The following FAF1 variants were observed in gnomAD, a reference collection of about 807,000 sequenced individuals.
FAF1 encodes FAS-associated factor 1.
A neutral mutation model predicts 92.5 loss-of-function variants in FAF1; 25 were observed. The observed-to-expected ratio is 0.27, with a 90% CI of 0.20 to 0.38. The LOEUF (loss-of-function observed/expected upper bound fraction) is 0.38, where lower values mean the gene tolerates loss of function less well. Ranked by LOEUF, FAF1 falls within the 10% of genes least tolerant of loss-of-function variation. The probability of loss-of-function intolerance (pLI) is 1.00; values close to 1 mark genes in which losing one functional copy is unlikely to be tolerated. For synonymous variants in FAF1, 234 were observed against 273.2 expected, an observed-to-expected ratio of 0.86 and a Z score of 1.42; for missense variants, 636 against 793.3, an observed-to-expected ratio of 0.80 and a Z score of 2.38.
chr1:50,669,702 T>C (rs1398742430), intron 7 of FAF1, among the ~76,000 whole-genome samples: 4 of 152,244 alleles, frequency 2.6e-5, no homozygotes, highest in Admixed American at 2.0e-4. Context: ...TATGTAATAA[T>C]CTATAAGAGC....
chr1:50,705,774 G>A lies in FAF1; in HGVS notation c.657+12C>T, dbSNP rs769827879. 5.5e-6 allele frequency: 8 copies of A among 1,456,828 alleles called. No homozygotes were observed. The highest frequency in any genetic ancestry group is 1.9e-6 in the Non-Finnish European group (2 of 1,038,254). The allele number at this position is 1,456,828 out of a possible 1,614,324, so 90.2% of individuals were successfully genotyped here. A position where few individuals can be genotyped will look rare whatever the true frequency, so the allele number is the denominator to read the frequency against. On this transcript the variant is annotated intron_variant, in intron 7 of 18. Coordinates refer to ENST00000396153, the MANE Select transcript of FAF1 (RefSeq NM_007051.3). ...AGCTACCTTTATTTCTTAGCTGTGA[G>A]ACATAACTCACCTCTTGAATAGTAC...
At chr1:50,527,872 T>TCTCC (rs1647917503) in intron 15 of FAF1, among the ~76,000 whole-genome samples, 5 of 135,236 alleles carry the variant, frequency 3.7e-5, no homozygotes, top group African/African-American at 1.1e-4. Flanking sequence ...TCTCTCCCTC[T>TCTCC]CTCTCTCTCT....
intron 1 of FAF1, among the ~76,000 whole-genome samples, chr1:50,899,909 G>T (rs1380906913): frequency 1.3e-5 from 2 of 152,070 alleles, no homozygotes; most frequent in Non-Finnish European, 2.9e-5. Flanking sequence ...GTACACTAGG[G>T]TGCCCATTTA....
intron 2 of FAF1, among the ~76,000 whole-genome samples, chr1:50,813,081 G>A (rs954577141): frequency 1.7e-4 from 26 of 152,108 alleles, no homozygotes; most frequent in Admixed American, 1.0e-3. Flanking sequence ...TGGCGGGTGG[G>A]AGGAAGGTGA....
intron 18 of FAF1, chr1:50,469,369 G>T (rs1343411285): frequency 2.6e-5 from 4 of 152,190 alleles, no homozygotes; most frequent in African/African-American, 9.7e-5. Flanking sequence ...CCCCAAAGCT[G>T]ACAGAAGAGG....
In FAF1 at chr1:50,731,562, G is replaced by A. The variant is rs183098322; in HGVS notation, c.551+7301C>T. Among the ~76,000 whole-genome samples the A allele has an allele frequency of 5.1e-4, 78 of 151,966 alleles. No homozygotes were observed. In the East Asian group the frequency reaches 0.011, roughly 21 times the overall value. ...TTTTTGTATTTTTAGTAGAGACGGG[G>A]TTTCACTATGTTAGCCAGGATGGTC... On this transcript the variant is annotated intron_variant, in intron 6 of 18. Transcript: ENST00000396153.
At chr1:50,958,426 C>T (rs1199004338) in intron 1 of FAF1, among the ~76,000 whole-genome samples, 4 of 152,044 alleles carry the variant, frequency 2.6e-5, no homozygotes, top group Non-Finnish European at 5.9e-5. Flanking sequence ...GCCTGTAATC[C>T]CAGCACTTTG....
chr1:50,648,653 G>A (rs773531982), intron 8 of FAF1, among the ~76,000 whole-genome samples: 4 of 152,104 alleles, frequency 2.6e-5, no homozygotes, highest in East Asian at 1.9e-4. Flanking sequence ...TTGGCTGGGC[G>A]CGGTGGCTCA....
At chr1:50,690,688 T>A (rs1315556090) in intron 7 of FAF1, among the ~76,000 whole-genome samples, 1 of 152,210 alleles carries the variant, frequency 6.6e-6, no homozygotes, top group Non-Finnish European at 1.5e-5. Flanking sequence ...TTGTGCTACA[T>A]AACTTGTGAT....
intron 7 of FAF1, among the ~76,000 whole-genome samples, chr1:50,671,888 C>A (rs1015091806): frequency 1.3e-5 from 2 of 151,828 alleles, no homozygotes; most frequent in African/African-American, 4.8e-5. Context: ...GTCACTGCAA[C>A]CTCAAACTCC....
chr1:50,664,058 C>T (rs938455783), intron 7 of FAF1, among the ~76,000 whole-genome samples: 7 of 146,480 alleles, frequency 4.8e-5, no homozygotes, highest in East Asian at 2.0e-4. Context: ...AGTGTAGTGA[C>T]GCGATCTTGG....
intron 15 of FAF1, among the ~76,000 whole-genome samples, chr1:50,510,005 T>C (rs1647112605): frequency 6.6e-6 from 1 of 151,534 alleles, no homozygotes; most frequent in Non-Finnish European, 1.5e-5. Context: ...CTGTCTCTAC[T>C]AAAATACAAA....
chr1:50,680,259 T>C (rs1164335946), intron 7 of FAF1, among the ~76,000 whole-genome samples: 2 of 152,228 alleles, frequency 1.3e-5, no homozygotes, highest in Non-Finnish European at 2.9e-5. Context: ...TTTTGGTTTG[T>C]TCCCTGCTAT....
Position 50,754,612 on chromosome 1 carries a change from A to G in FAF1, c.368-9837T>C, listed in dbSNP as rs138361242. ...GCTTTTACAACTTTCTTTATCTGTA[A>G]TTAAGCATTTGAACCATAAGTTTCC... On this transcript the variant is annotated intron_variant, in intron 4 of 18. Coordinates refer to ENST00000396153, the MANE Select transcript of FAF1 (RefSeq NM_007051.3). 2.1e-3 allele frequency among the ~76,000 whole-genome samples: 318 copies of G among 152,302 alleles called. 2 individuals are homozygous for G. Among genetic ancestry groups the G allele is most frequent in the Non-Finnish European group, 4.0e-3 (272 of 68,020 alleles).
chr1:50,507,932 A>G (rs1195649610), intron 15 of FAF1, among the ~76,000 whole-genome samples: 3 of 152,252 alleles, frequency 2.0e-5, no homozygotes, highest in Non-Finnish European at 4.4e-5. Flanking sequence ...ATATTTTCAA[A>G]GTGTCAGAAT....
At chr1:50,748,305 G>C (rs767175223) in intron 4 of FAF1, among the ~76,000 whole-genome samples, 2 of 151,890 alleles carry the variant, frequency 1.3e-5, no homozygotes, top group Admixed American at 1.3e-4. Flanking sequence ...AGACCAGCCT[G>C]CCCAACATGG....
chr1:50,759,869 T>C (rs937780137), intron 4 of FAF1, among the ~76,000 whole-genome samples: 2 of 152,238 alleles, frequency 1.3e-5, no homozygotes, highest in African/African-American at 2.4e-5. Context: ...TGGTAACTCA[T>C]TGTGGTTTTG....
chr1:50,867,230 C>T (rs910170089), intron 1 of FAF1, among the ~76,000 whole-genome samples: 46 of 152,144 alleles, frequency 3.0e-4, no homozygotes, highest in African/African-American at 1.1e-3. Context: ...AACCGTACAA[C>T]TCAAGAAGAT....
At chr1:50,589,799 G>A (rs1434807552) in intron 9 of FAF1, among the ~76,000 whole-genome samples, 1 of 152,052 alleles carries the variant, frequency 6.6e-6, no homozygotes, top group Non-Finnish European at 1.5e-5. Flanking sequence ...TTTAACAGTT[G>A]TATTGTTTTA....
Sources: allele counts gnomAD v4.1 joint callset (sites outside exome capture counted in the v4.1 genomes callset), GRCh38; gene constraint gnomAD v4.1.1; transcripts MANE v1.5; gene names NCBI Gene and HGNC (gene_info 2026-07-23, HGNC 2026-07-21).